The following ANGEL2 variants were observed in gnomAD, a reference collection of about 807,000 sequenced individuals.
The protein encoded by ANGEL2 is angel homolog 2.
A neutral mutation model predicts 66.0 loss-of-function variants in ANGEL2; 41 were observed. That is an observed-to-expected ratio of 0.62 (90% CI 0.48 to 0.81). The LOEUF (loss-of-function observed/expected upper bound fraction) is 0.81. Ranked by LOEUF, ANGEL2 falls within the 30% of genes least tolerant of loss-of-function variation. The pLI, the probability that ANGEL2 is intolerant of heterozygous loss-of-function variation, is 0.00. For missense variants in ANGEL2, 561 were observed against 641.6 expected (o/e 0.87, Z 1.36); for synonymous variants, 208 against 226.5 (o/e 0.92, Z 0.73).
intron 5 of ANGEL2, chr1:213,002,026 A>T (rs554181389): frequency 6.4e-6 from 1 of 156,614 alleles, no homozygotes; most frequent in East Asian, 1.9e-4. Flanking sequence ...ACCTCCTCCC[A>T]TGAATCACGA....
intron 2 of ANGEL2, among the ~76,000 whole-genome samples, chr1:213,009,314 C>A (rs2076434032): frequency 1.3e-5 from 2 of 152,166 alleles, no homozygotes; most frequent in African/African-American, 4.8e-5. Flanking sequence ...CTCCTACATC[C>A]TATCATTAAA....
chr1:213,005,229 T>A lies in ANGEL2; in HGVS notation c.938A>T (p.Tyr313Phe). 1.2e-6 allele frequency: 2 copies of A among 1,614,250 alleles called. No homozygotes were observed. Among genetic ancestry groups the A allele is most frequent in the Non-Finnish European group, 1.7e-6 (2 of 1,180,050 alleles). Residue 313 changes from tyrosine to phenylalanine, a missense_variant, in exon 5 of 9, where the codon TAT (tyrosine) becomes TTT (phenylalanine). By Grantham distance (22) the Tyr-to-Phe change is conservative (BLOSUM62 3). Coordinates refer to ENST00000366962, the MANE Select transcript of ANGEL2 (RefSeq NM_144567.5). ...AICVANTHLL[Y>F]NPRRGDIKLT... is the part of the protein sequence containing the mutation. ...CTTAATATCACCTCGCCTTGGATTA[T>A]ACAACAGATGCGTATTTGCTACGCA... is the stretch of plus-strand genomic sequence containing the variant.
At chr1:213,002,163 C>G (rs2076195258) in intron 5 of ANGEL2, 1 of 152,234 alleles carries the variant, frequency 6.6e-6, no homozygotes, top group South Asian at 2.1e-4. Flanking sequence ...AATAAGGAGA[C>G]CTGTAGGTAC....
chr1:213,007,206 G>GA lies in ANGEL2; in HGVS notation c.643-9dup. ...TTCTTGCAAACAAAGTACCTTGGAA[G>GA]AAAAAAATAGCTTGAATTAGAACAC... On this transcript the variant is annotated splice_polypyrimidine_tract_variant and intron_variant, in intron 3 of 8. Coordinates refer to ENST00000366962, the MANE Select transcript of ANGEL2 (RefSeq NM_144567.5). The GA allele has an allele frequency of 1.9e-6, 3 of 1,547,884 alleles. No homozygotes were observed. The highest frequency in any genetic ancestry group is 2.1e-5 in the Admixed American group (1 of 46,536).
chr1:213,011,171 T>C (rs892569316), intron 2 of ANGEL2: 1 of 1,287,610 alleles, frequency 7.8e-7, no homozygotes, highest in Non-Finnish European at 1.0e-6. Context: ...CTTCATATGC[T>C]TCACAACATA....
chr1:212,999,978 T>C (rs1376001026), intron 7 of ANGEL2, among the ~76,000 whole-genome samples: 1 of 152,252 alleles, frequency 6.6e-6, no homozygotes, highest in African/African-American at 2.4e-5. Flanking sequence ...GTATTTGAGC[T>C]GGTCCAGGTC....
At chr1:213,004,629 G>A (rs1339846954) in intron 5 of ANGEL2, among the ~76,000 whole-genome samples, 1 of 151,970 alleles carries the variant, frequency 6.6e-6, no homozygotes, top group Non-Finnish European at 1.5e-5. Context: ...CAGCACTTTG[G>A]GAGGCCGAAG....
At chr1:213,011,353 GT>G (rs2076504045) in intron 2 of ANGEL2, 1 of 1,186,686 alleles carries the variant, frequency 8.4e-7, no homozygotes, top group Non-Finnish European at 1.1e-6. Flanking sequence ...CCACTTTAAA[GT>G]GATAGGCAAG....
At chr1:213,007,074 C>T (rs2148163298) in intron 4 of ANGEL2, 55 bp downstream of exon 4, 2 of 1,491,808 alleles carry the variant, frequency 1.3e-6, no homozygotes, top group Non-Finnish European at 9.1e-7. Flanking sequence ...AGTTGGGCGA[C>T]AGAGTGAGAC....
At position 213,005,361 on chromosome 1, in the gene ANGEL2, T is replaced by C. The variant is rs1255078851; in HGVS notation, c.806A>G (p.Asn269Ser). ...KHSKFSLLSVNPVEFFRPDIS... is the reference protein window; with the variant it reads ...KHSKFSLLSVSPVEFFRPDIS... Reference sequence around the variant, plus strand: ...ATCAGGGCGGAAGAATTCCACTGGGTTCACTGACAAGAGTGAAAATTTGGA... The same window carrying C: ...ATCAGGGCGGAAGAATTCCACTGGGCTCACTGACAAGAGTGAAAATTTGGA... The change falls in exon 5 of 9, where the codon AAC becomes AGC. Residue 269 changes from asparagine to serine, a missense_variant. By Grantham distance (46) the Asn-to-Ser change is conservative. Coordinates refer to ENST00000366962, the MANE Select transcript of ANGEL2 (RefSeq NM_144567.5). 1 of 1,614,056 alleles carries C rather than the reference T, an allele frequency of 6.2e-7. No individual in the cohort carries two copies. Among genetic ancestry groups the C allele is most frequent in the Non-Finnish European group, 8.5e-7 (1 of 1,180,038 alleles).
chr1:213,013,504 G>C, intron 1 of ANGEL2, 86 bp from the exon 2 acceptor site: 1 of 1,237,822 alleles, frequency 8.1e-7, no homozygotes, highest in Admixed American at 2.4e-5. Context: ...TCAAGGGAAG[G>C]TAATGTCTAA....
intron 2 of ANGEL2, 100 bp downstream of exon 2, chr1:213,012,993 A>T: frequency 8.3e-7 from 1 of 1,211,796 alleles, no homozygotes; most frequent in East Asian, 2.4e-5. Context: ...AACACCAAAC[A>T]CCTCTAAAAC....
At chr1:213,008,939 C>A (rs1409899914) in intron 2 of ANGEL2, among the ~76,000 whole-genome samples, 2 of 152,162 alleles carry the variant, frequency 1.3e-5, no homozygotes, top group Non-Finnish European at 2.9e-5. Context: ...CCAGAAGCAA[C>A]CCTTAGTTCA....
At chr1:213,003,682 T>C (rs1203349834) in intron 5 of ANGEL2, among the ~76,000 whole-genome samples, 1 of 152,108 alleles carries the variant, frequency 6.6e-6, no homozygotes, top group Non-Finnish European at 1.5e-5. Context: ...ACATAACAGA[T>C]GTTAATAATA....
rs951160289 is a variant in ANGEL2, at chr1:213,010,578, A to G, written c.386-2112T>C. ...CAGAGTGAGCCTTCGTCTCAAAAAA[A>G]AAAAAAAAAAGAACTGATCATGTGT... On this transcript the variant is annotated intron_variant, in intron 2 of 8. Transcript: ENST00000366962. Among the ~76,000 whole-genome samples, 18 of 152,116 alleles carry G rather than the reference A, an allele frequency of 1.2e-4. No homozygotes were observed. In the East Asian group the frequency reaches 2.3e-3, roughly 20 times the overall value.
At position 213,008,442 on chromosome 1, in the gene ANGEL2, T is replaced by A; in HGVS notation, c.410A>T (p.Tyr137Phe). The A allele has an allele frequency of 6.2e-7, 1 of 1,613,674 alleles. No homozygotes were observed. Among genetic ancestry groups the A allele is most frequent in the South Asian group, 1.1e-5 (1 of 91,024 alleles). The change falls in exon 3 of 9, where the codon TAT (tyrosine) becomes TTT (phenylalanine). Residue 137 changes from tyrosine to phenylalanine, a missense_variant. Transcript: ENST00000366962. ...HQGVIKRNWE[Y>F]ICSHDKEKTK... ...TTTTTCTTTATCATGGCTACATATA[T>A]ATTCCCAATTCCGCTTTATCACACC... is the stretch of plus-strand genomic sequence containing the variant.
Position 213,007,201 on chromosome 1 carries a change from T to G in ANGEL2, c.643-3A>C. ...TGAACTTCTTGCAAACAAAGTACCT[T>G]GGAAGAAAAAAATAGCTTGAATTAG... On this transcript the variant is annotated splice_region_variant and splice_polypyrimidine_tract_variant and intron_variant, in intron 3 of 8. Transcript: ENST00000366962. The G allele has an allele frequency of 6.4e-7, 1 of 1,557,846 alleles. No individual in the cohort carries two copies. The highest frequency in any genetic ancestry group is 2.3e-5 in the East Asian group (1 of 42,840).
Position 212,993,726 on chromosome 1 carries a change from G to A in ANGEL2, c.*1315C>T, listed in dbSNP as rs1303315850. The A allele has an allele frequency of 6.6e-6, 1 of 152,150 alleles. No homozygotes were observed. The highest frequency in any genetic ancestry group is 1.5e-5 in the Non-Finnish European group (1 of 68,042). The allele number at this position is 152,150 out of a possible 1,614,324, so 9.4% of individuals were successfully genotyped here. A position where few individuals can be genotyped will look rare whatever the true frequency, so the allele number is the denominator to read the frequency against. ...AGTGTCAGCACCATCTCATACTGGT[G>A]CATCACGGTAAAAGAAAACATTTTA... On this transcript the variant is annotated 3_prime_UTR_variant, in exon 9 of 9. Coordinates refer to ENST00000366962, the MANE Select transcript of ANGEL2 (RefSeq NM_144567.5).
At chr1:213,003,650 G>A (rs996412051) in intron 5 of ANGEL2, among the ~76,000 whole-genome samples, 1 of 152,072 alleles carries the variant, frequency 6.6e-6, no homozygotes, top group Non-Finnish European at 1.5e-5. Flanking sequence ...TAGTAATATC[G>A]AAGATCACTA....
Sources: allele counts gnomAD v4.1 joint callset (sites outside exome capture counted in the v4.1 genomes callset), GRCh38; gene constraint gnomAD v4.1.1; transcripts MANE v1.5; gene names NCBI Gene and HGNC (gene_info 2026-07-23, HGNC 2026-07-21).